Variants in KIAA1217 observed in about 807,000 individuals in gnomAD.
KIAA1217 encodes the protein sickle tail protein homolog.
A neutral mutation model predicts 163.9 loss-of-function variants in KIAA1217; 88 were observed. The observed-to-expected ratio is 0.54, with a 90% CI of 0.45 to 0.64. The LOEUF is 0.64. Ranked by LOEUF, KIAA1217 falls within the 30% of genes least tolerant of loss-of-function variation. KIAA1217 has a pLI of 0.00. For synonymous variants in KIAA1217, 903 were observed against 923.1 expected (o/e 0.98, Z 0.39); for missense variants, 2,372 against 2,475.0 (o/e 0.96, Z 0.88).
At chr10:24,494,912 CG>C in intron 7 of KIAA1217, 2 of 580,316 alleles carry the variant, frequency 3.4e-6, no homozygotes, top group South Asian at 4.4e-5. Context: ...TGCGTGTCCA[CG>C]TCGCCATCAT....
At chr10:24,121,409 T>C (rs1482144933) in intron 2 of KIAA1217, among the ~76,000 whole-genome samples, 3 of 152,224 alleles carry the variant, frequency 2.0e-5, no homozygotes, top group African/African-American at 7.2e-5. Flanking sequence ...ATTAAGCCCT[T>C]GTAGCTTAAA....
At chr10:24,173,925 T>C (rs1199245569) in intron 2 of KIAA1217, among the ~76,000 whole-genome samples, 1 of 152,198 alleles carries the variant, frequency 6.6e-6, no homozygotes, top group Non-Finnish European at 1.5e-5. Context: ...TCAATTTCCA[T>C]GTGCCCCTCA....
chr10:24,051,156 AAGTGAGAACATATGATGTTT>A (rs1331529421), intron 2 of KIAA1217, among the ~76,000 whole-genome samples: 22 of 152,176 alleles, frequency 1.4e-4, no homozygotes, highest in Admixed American at 1.4e-3. Context: ...TCCTGCTTAT[AAGTGAGAACATATGATGTTT>A]GATTTTCCAT....
chr10:23,783,074 T>A (rs1054491374), intron 1 of KIAA1217, among the ~76,000 whole-genome samples: 2 of 152,356 alleles, frequency 1.3e-5, no homozygotes, highest in East Asian at 3.9e-4. Context: ...ATGCTTTTTC[T>A]CCATCTGTTT....
At chr10:23,950,732 G>A (rs1356738977) in intron 1 of KIAA1217, among the ~76,000 whole-genome samples, 1 of 152,068 alleles carries the variant, frequency 6.6e-6, no homozygotes, top group African/African-American at 2.4e-5. Flanking sequence ...GCTTTGGGAT[G>A]ACATTAGAGA....
Position 24,474,049 on chromosome 10 carries a change from C to A in KIAA1217, c.1668C>A (p.Asp556Glu). 1 of 1,602,246 alleles carries A rather than the reference C, an allele frequency of 6.2e-7. No individual in the cohort carries two copies. The highest frequency in any genetic ancestry group is 1.1e-5 in the South Asian group (1 of 89,648). The change falls in exon 6 of 21, where the codon GAC becomes GAA. Residue 556 changes from aspartate (D) to glutamate (E), a missense_variant. This residue lies in a region of KIAA1217 where 1,431 missense variants were observed against 1,470.3 expected (regional missense o/e 0.97). Coordinates refer to ENST00000376454, the MANE Select transcript of KIAA1217 (RefSeq NM_019590.5). ...ACAGCACGGCGACAATACCCAAAGA[C>A]AGAGAGACCAGGTAAGGTGCAGTGA... The part of the protein sequence containing the change: ...FAYSTATIPK[D>E]RETRERMQAM...
At chr10:23,904,339 T>C (rs1211105193) in intron 1 of KIAA1217, among the ~76,000 whole-genome samples, 1 of 152,138 alleles carries the variant, frequency 6.6e-6, no homozygotes, top group Non-Finnish European at 1.5e-5. Context: ...TTTTAACAGA[T>C]ACCCGCATAG....
At chr10:23,916,907 G>A (rs1246984039) in intron 1 of KIAA1217, among the ~76,000 whole-genome samples, 2 of 148,238 alleles carry the variant, frequency 1.3e-5, no homozygotes, top group Non-Finnish European at 3.0e-5. Context: ...GGGAGTTGGA[G>A]GTTGCAGTGA....
At chr10:23,848,585 A>T (rs1162440227) in intron 1 of KIAA1217, among the ~76,000 whole-genome samples, 4 of 151,964 alleles carry the variant, frequency 2.6e-5, no homozygotes, top group Non-Finnish European at 5.9e-5. Flanking sequence ...ATCTGGCCCA[A>T]ATCATGGGTC....
chr10:24,371,606 A>G (rs1374178232), intron 2 of KIAA1217, among the ~76,000 whole-genome samples: 2 of 152,220 alleles, frequency 1.3e-5, no homozygotes, highest in Non-Finnish European at 2.9e-5. Flanking sequence ...CTTGCCAAAT[A>G]TTGCATGGCA....
intron 6 of KIAA1217, among the ~76,000 whole-genome samples, chr10:24,488,482 A>C (rs1370134861): frequency 6.6e-6 from 1 of 152,154 alleles, no homozygotes; most frequent in Admixed American, 6.5e-5. Flanking sequence ...GGGAGAAGAA[A>C]TGGCAGCCCT....
intron 1 of KIAA1217, among the ~76,000 whole-genome samples, chr10:23,968,564 A>C (rs1845170256): frequency 6.6e-6 from 1 of 152,210 alleles, no homozygotes; most frequent in Admixed American, 6.5e-5. Context: ...TTGTGCAACC[A>C]ACACCAGAAT....
At chr10:24,336,249 A>C (rs1314982592) in intron 2 of KIAA1217, among the ~76,000 whole-genome samples, 1 of 152,188 alleles carries the variant, frequency 6.6e-6, no homozygotes, top group African/African-American at 2.4e-5. Flanking sequence ...TCTCTAATTA[A>C]TTAATTACTT....
intron 2 of KIAA1217, among the ~76,000 whole-genome samples, chr10:24,121,743 G>T (rs2063289132): frequency 6.6e-6 from 1 of 152,112 alleles, no homozygotes; most frequent in African/African-American, 2.4e-5. Flanking sequence ...AGTGGATAAA[G>T]AAATAAGTTT....
At chr10:24,089,818 C>T (rs2061855482) in intron 2 of KIAA1217, among the ~76,000 whole-genome samples, 1 of 151,848 alleles carries the variant, frequency 6.6e-6, no homozygotes, top group Non-Finnish European at 1.5e-5. Flanking sequence ...GAAGAACATT[C>T]CATGCTCATG....
chr10:23,961,039 T>A (rs1178830518), intron 1 of KIAA1217, among the ~76,000 whole-genome samples: 2 of 152,346 alleles, frequency 1.3e-5, no homozygotes, highest in Admixed American at 6.5e-5. Flanking sequence ...ATTTTAGAAT[T>A]TGTATTGGAA....
chr10:24,281,626 G>A (rs141942924), intron 2 of KIAA1217, among the ~76,000 whole-genome samples: 1 of 152,088 alleles, frequency 6.6e-6, no homozygotes, highest in African/African-American at 2.4e-5. Flanking sequence ...GAGGAGTACT[G>A]GTGAGTTATT....
intron 1 of KIAA1217, among the ~76,000 whole-genome samples, chr10:23,703,311 T>A (rs1836612501): frequency 6.6e-6 from 1 of 152,128 alleles, no homozygotes; most frequent in Non-Finnish European, 1.5e-5. Context: ...TGAAGTTTCT[T>A]TTCTTTGCAA....
intron 1 of KIAA1217, among the ~76,000 whole-genome samples, chr10:23,868,686 G>A (rs1245389579): frequency 6.6e-6 from 1 of 152,104 alleles, no homozygotes; most frequent in African/African-American, 2.4e-5. Flanking sequence ...TAGGACACAT[G>A]GCAGGGCCTG....
Sources: gnomAD v4.1 joint callset for allele counts (sites outside exome capture counted in the v4.1 genomes callset) on GRCh38, gnomAD v4.1.1 for gene constraint, gnomAD v4.1.1 regional missense constraint, MANE v1.5 for transcripts, NCBI Gene and HGNC (gene_info 2026-07-23, HGNC 2026-07-21) for gene names.